RABGAP1: variants seen among roughly 807,000 people sequenced by gnomAD.
RABGAP1 encodes RAB GTPase activating protein 1.
Under a neutral mutation model 137.6 loss-of-function variants are expected in RABGAP1, and 23 were observed. The observed-to-expected ratio is 0.17, with a 90% CI of 0.12 to 0.24. The LOEUF (loss-of-function observed/expected upper bound fraction) is 0.24. Ranked by LOEUF, RABGAP1 falls within the 10% of genes least tolerant of loss-of-function variation. RABGAP1 has a pLI of 1.00. For missense variants in RABGAP1, 906 were observed against 1,275.8 expected (o/e 0.71, Z 4.42); for synonymous variants, 451 against 450.7 (o/e 1.00, Z -0.01).
At chr9:123,005,529 CAT>C (rs1167441953) in intron 10 of RABGAP1, among the ~76,000 whole-genome samples, 1 of 152,162 alleles carries the variant, frequency 6.6e-6, no homozygotes, top group Non-Finnish European at 1.5e-5. Flanking sequence ...TTATCCTATA[CAT>C]TGCTTTTTAA....
chr9:122,969,720 A>G (rs1243627093), intron 2 of RABGAP1, among the ~76,000 whole-genome samples: 1 of 134,286 alleles, frequency 7.4e-6, no homozygotes, highest in African/African-American at 2.7e-5. Context: ...AATGTGGTAT[A>G]ATATGGAATT....
intron 1 of RABGAP1, among the ~76,000 whole-genome samples, chr9:122,952,536 G>A (rs1306925834): frequency 1.3e-5 from 2 of 152,060 alleles, no homozygotes; most frequent in Admixed American, 6.6e-5. Context: ...CCAAAGTGCT[G>A]GGATTACAGA....
At chr9:123,042,916 A>C (rs1156869813) in intron 13 of RABGAP1, among the ~76,000 whole-genome samples, 2 of 152,186 alleles carry the variant, frequency 1.3e-5, no homozygotes, top group Non-Finnish European at 2.9e-5. Flanking sequence ...AAGCTTCTTG[A>C]ATGGGGTGGG....
intron 2 of RABGAP1, among the ~76,000 whole-genome samples, chr9:122,968,195 T>C (rs1188035063): frequency 6.6e-6 from 1 of 151,990 alleles, no homozygotes; most frequent in Admixed American, 6.6e-5. Flanking sequence ...ATTTATTCTT[T>C]GTGTTACAAA....
Position 122,990,136 on chromosome 9 carries a change from C to T in RABGAP1, c.846C>T (p.Pro282=). The part of the protein sequence containing the change: ...KQTPLSATAA[P]QTPDSDIFTF... ...CCCCACTTTCAGCCACTGCTGCACC[C>T]CAGACTCCTGACAGTGACATCTTTA... The change falls in exon 6 of 26, where the codon CCC becomes CCT. Residue 282 remains proline (P), a synonymous_variant. Coordinates refer to ENST00000373647, the MANE Select transcript of RABGAP1 (RefSeq NM_012197.4). 1 of 1,611,630 alleles carries T rather than the reference C, an allele frequency of 6.2e-7. No individual in the cohort carries two copies. The highest frequency in any genetic ancestry group is 8.5e-7 in the Non-Finnish European group (1 of 1,177,804).
chr9:123,007,891 TAAA>T (rs1478348849), intron 10 of RABGAP1, among the ~76,000 whole-genome samples: 1 of 149,090 alleles, frequency 6.7e-6, no homozygotes, highest in Non-Finnish European at 1.5e-5. Context: ...ATATCTAATT[TAAA>T]AACCTGTTTA....
chr9:123,019,138 A>G (rs1476908722), intron 12 of RABGAP1, among the ~76,000 whole-genome samples: 1 of 152,302 alleles, frequency 6.6e-6, no homozygotes, highest in East Asian at 1.9e-4. Context: ...AATTTTCCCC[A>G]TTTTATAGGT....
chr9:122,948,410 T>C (rs1434200122), intron 1 of RABGAP1, among the ~76,000 whole-genome samples: 1 of 152,150 alleles, frequency 6.6e-6, no homozygotes, highest in African/African-American at 2.4e-5. Context: ...CAATTTTCTC[T>C]CTGAACTTAA....
chr9:122,996,640 A>G lies in RABGAP1; in HGVS notation c.1101+35A>G, dbSNP rs184349993. On this transcript the variant is annotated intron_variant, in intron 8 of 25. Coordinates refer to ENST00000373647, the MANE Select transcript of RABGAP1 (RefSeq NM_012197.4). ...TATTTTTATTAGAAAGTTACATACTATTTCCTCAGTAAAGGTTGTTTCACT... is the reference window on the plus strand; with the variant it reads ...TATTTTTATTAGAAAGTTACATACTGTTTCCTCAGTAAAGGTTGTTTCACT... 2.4e-4 allele frequency: 360 copies of G among 1,499,844 alleles called. 2 individuals are homozygous for G. In the Middle Eastern group the frequency reaches 4.9e-3, roughly 20 times the overall value. 92.9% of individuals were successfully genotyped at this position (1,499,844 alleles called of 1,614,324 possible).
upstream of RABGAP1, chr9:122,938,460 C>T (rs1833425652): frequency 1.3e-5 from 2 of 152,144 alleles, no homozygotes; most frequent in African/African-American, 4.8e-5. Context: ...TACAAAGTCA[C>T]TTACTGAAAA....
chr9:123,019,533 C>T (rs1412700045), intron 12 of RABGAP1, among the ~76,000 whole-genome samples: 2 of 152,032 alleles, frequency 1.3e-5, no homozygotes, highest in Non-Finnish European at 2.9e-5. Context: ...TAGGCTGGTC[C>T]AGAACTCCTG....
Position 122,969,617 on chromosome 9 carries a change from G to C in RABGAP1, c.150+12408G>C, listed in dbSNP as rs373567272. Among the ~76,000 whole-genome samples, 7 of 151,776 alleles carry C rather than the reference G, an allele frequency of 4.6e-5. No individual in the cohort carries two copies. The South Asian group carries it at 8.3e-4, about 18-fold the overall frequency. On this transcript the variant is annotated intron_variant, in intron 2 of 25. Coordinates refer to ENST00000373647, the MANE Select transcript of RABGAP1 (RefSeq NM_012197.4). ...TTTTGAAACCTTGTATCGTTTCTCA[G>C]CCCCTAGTAGAATGACTAACAAAAT... is the stretch of plus-strand genomic sequence containing the variant.
At chr9:123,041,263 G>A (rs2032938124) in intron 13 of RABGAP1, among the ~76,000 whole-genome samples, 1 of 152,202 alleles carries the variant, frequency 6.6e-6, no homozygotes, top group African/African-American at 2.4e-5. Context: ...ATAAGTGGAA[G>A]ATCTGGGATT....
In RABGAP1 at chr9:123,097,830, A is replaced by C. The variant is rs1439165554; in HGVS notation, c.2718A>C (p.Glu906Asp). The C allele has an allele frequency of 6.2e-7, 1 of 1,613,546 alleles. No individual in the cohort carries two copies. Among genetic ancestry groups the C allele is most frequent in the Admixed American group, 1.7e-5 (1 of 59,896 alleles). ...CAGAAGAAGAGAAAAGACGGCTGGA[A>C]GAAGAGTCTGCTCAGGTAAGGGAAC... is the stretch of plus-strand genomic sequence containing the variant. ...IDAEEEKRRL[E>D]EESAQLKEMC... Residue 906 changes from glutamate (E) to aspartate (D), a missense_variant, in exon 22 of 26, where the codon GAA becomes GAC. Coordinates refer to ENST00000373647, the MANE Select transcript of RABGAP1 (RefSeq NM_012197.4).
chr9:123,019,437 C>G (rs1183486192), intron 12 of RABGAP1, among the ~76,000 whole-genome samples: 1 of 150,364 alleles, frequency 6.7e-6, no homozygotes, highest in Non-Finnish European at 1.5e-5. Flanking sequence ...ATCTTCTTGC[C>G]TCAGCCTCCC....
intron 1 of RABGAP1, among the ~76,000 whole-genome samples, chr9:122,946,958 C>G (rs976683437): frequency 6.6e-6 from 1 of 152,052 alleles, no homozygotes; most frequent in South Asian, 2.1e-4. Flanking sequence ...ACATGGATAT[C>G]CCAAGTCTCT....
chr9:122,993,477 G>A (rs1379885792), intron 6 of RABGAP1, among the ~76,000 whole-genome samples: 1 of 152,082 alleles, frequency 6.6e-6, no homozygotes, highest in Non-Finnish European at 1.5e-5. Flanking sequence ...TCACCATGTT[G>A]GCCAGGCTGG....
intron 13 of RABGAP1, among the ~76,000 whole-genome samples, chr9:123,048,210 A>G (rs2033306016): frequency 6.6e-6 from 1 of 152,092 alleles, no homozygotes; most frequent in African/African-American, 2.4e-5. Context: ...AAGTGTTAGG[A>G]TTACAGGCGT....
At chr9:122,945,147 C>CTTTTTTTTGTTTTTTTTTTTTTTTTT (rs1833874522) in intron 1 of RABGAP1, among the ~76,000 whole-genome samples, 1 of 75,772 alleles carries the variant, frequency 1.3e-5, no homozygotes, top group Non-Finnish European at 2.9e-5. Flanking sequence ...ATAGCTGTTG[C>CTTTTTTTTGTTTTTTTTTTTTTTTTT]TTTTTTTTTT....
Sources: gnomAD v4.1 joint callset for allele counts (sites outside exome capture counted in the v4.1 genomes callset) on GRCh38, gnomAD v4.1.1 for gene constraint, MANE v1.5 for transcripts, NCBI Gene and HGNC (gene_info 2026-07-23, HGNC 2026-07-21) for gene names.